The following CYRIA variants were observed in gnomAD, a reference collection of about 807,000 sequenced individuals.
The protein encoded by CYRIA is CYFIP-related Rac1 interactor A.
CYRIA carries 15 observed loss-of-function variants against 43.9 expected under a neutral mutation model. The observed-to-expected ratio is 0.34, with a 90% CI of 0.23 to 0.53. The LOEUF (loss-of-function observed/expected upper bound fraction) is 0.53, where lower values mean the gene tolerates loss of function less well. CYRIA is among the 20% of genes least tolerant of loss of function. The probability of loss-of-function intolerance (pLI) is 0.94; values close to 1 mark genes in which losing one functional copy is unlikely to be tolerated. For missense variants in CYRIA, 236 were observed against 394.2 expected (o/e 0.60, Z 3.40); for synonymous variants, 117 against 136.0 (o/e 0.86, Z 0.97).
chr2:16,635,647 G>T (rs1203260930), intron 1 of CYRIA, among the ~76,000 whole-genome samples: 2 of 152,194 alleles, frequency 1.3e-5, no homozygotes, highest in Non-Finnish European at 2.9e-5. Context: ...CTCTGGGAGG[G>T]TAGTGAAAAG....
At chr2:16,644,716 C>T (rs919219111) in intron 1 of CYRIA, among the ~76,000 whole-genome samples, 4 of 152,168 alleles carry the variant, frequency 2.6e-5, no homozygotes, top group Non-Finnish European at 5.9e-5. Flanking sequence ...ACTTAGATAA[C>T]CACATGGAAG....
At chr2:16,588,272 A>G (rs150811914) in intron 2 of CYRIA, 143 bp from the exon 3 acceptor site, 62 of 546,978 alleles carry the variant, frequency 1.1e-4, no homozygotes, top group Middle Eastern at 5.4e-4. Context: ...TAATGTAGCA[A>G]CTCATTTCTA....
chr2:16,630,757 C>T (rs1203225066), intron 1 of CYRIA, among the ~76,000 whole-genome samples: 1 of 152,162 alleles, frequency 6.6e-6, no homozygotes, highest in South Asian at 2.1e-4. Flanking sequence ...TCTCAGACAA[C>T]CCCAAGCAAC....
intron 1 of CYRIA, among the ~76,000 whole-genome samples, chr2:16,638,844 C>G (rs541816187): frequency 6.6e-6 from 1 of 152,150 alleles, no homozygotes; most frequent in South Asian, 2.1e-4. Context: ...CAGTAGTGCC[C>G]TTACTCAAGT....
intron 2 of CYRIA, among the ~76,000 whole-genome samples, chr2:16,614,425 TC>T (rs1232726008): frequency 6.6e-6 from 1 of 152,220 alleles, no homozygotes; most frequent in Non-Finnish European, 1.5e-5. Flanking sequence ...CCAGCCTGGC[TC>T]CTGATGACTC....
chr2:16,559,709 A>G, intron 9 of CYRIA, 123 bp from the exon 10 acceptor site: 1 of 1,074,466 alleles, frequency 9.3e-7, no homozygotes, highest in Non-Finnish European at 1.3e-6. Context: ...GACCTGCAAC[A>G]ACCAGTTAAT....
intron 2 of CYRIA, among the ~76,000 whole-genome samples, chr2:16,603,012 T>C (rs1668261903): frequency 6.6e-6 from 1 of 152,076 alleles, no homozygotes; most frequent in South Asian, 2.1e-4. Flanking sequence ...CAGTCTTGTC[T>C]CCCTTCTACT....
At chr2:16,646,400 A>G (rs926836356) in intron 1 of CYRIA, among the ~76,000 whole-genome samples, 53 of 152,210 alleles carry the variant, frequency 3.5e-4, no homozygotes, top group Non-Finnish European at 1.5e-4. Flanking sequence ...TAGTTGTCCT[A>G]TGAGGCAGAG....
Position 16,570,403 on chromosome 2 carries a change from A to G in CYRIA, c.71-4636T>C, listed in dbSNP as rs1667086105. 2.6e-5 allele frequency among the ~76,000 whole-genome samples: 4 copies of G among 152,166 alleles called. No homozygotes were observed. In the South Asian group the frequency reaches 8.3e-4, roughly 32 times the overall value. On this transcript the variant is annotated intron_variant, in intron 3 of 11. Transcript: ENST00000381323. ...TCTCACCAGTGTGGTTAACACACTA[A>G]TAGGGTATTTGTTGAGTCTGACACA...
chr2:16,643,730 T>C (rs1484572777), intron 1 of CYRIA, among the ~76,000 whole-genome samples: 1 of 152,230 alleles, frequency 6.6e-6, no homozygotes, highest in Non-Finnish European at 1.5e-5. Flanking sequence ...CCCACTGTTA[T>C]GTTCCTAGAG....
chr2:16,584,800 C>T (rs1034443944), intron 3 of CYRIA, among the ~76,000 whole-genome samples: 12 of 152,166 alleles, frequency 7.9e-5, no homozygotes, highest in African/African-American at 2.9e-4. Context: ...CCTATCTGTG[C>T]CTGTAGAAAA....
rs1464137645 is a variant in CYRIA at position 16,551,047 on chromosome 2, A to G, written c.*1889T>C. On this transcript the variant is annotated 3_prime_UTR_variant, in exon 12 of 12. Coordinates refer to ENST00000381323, the MANE Select transcript of CYRIA (RefSeq NM_030797.4). ...TAGCATATTTCTATTCTGATGAGAG[A>G]AACTCCATCCAAGCAGCTGTACTTT... is the stretch of plus-strand genomic sequence containing the variant. 6.6e-6 allele frequency: 1 copy of G among 152,138 alleles called. No individual in the cohort carries two copies. Among genetic ancestry groups the G allele is most frequent in the Non-Finnish European group, 1.5e-5 (1 of 68,012 alleles). The allele number at this position is 152,138 out of a possible 1,614,324, so 9.4% of individuals were successfully genotyped here.
At chr2:16,641,293 C>G (rs1256720711) in intron 1 of CYRIA, among the ~76,000 whole-genome samples, 1 of 152,176 alleles carries the variant, frequency 6.6e-6, no homozygotes, top group African/African-American at 2.4e-5. Flanking sequence ...ATCCTAGCCT[C>G]ATTCTCCGCT....
At chr2:16,601,701 T>C (rs1351722497) in intron 2 of CYRIA, among the ~76,000 whole-genome samples, 2 of 135,794 alleles carry the variant, frequency 1.5e-5, no homozygotes, top group South Asian at 2.2e-4. Context: ...TCTAGTCACA[T>C]TTCCAGTTTC....
chr2:16,587,694 G>A (rs111474037), intron 3 of CYRIA, among the ~76,000 whole-genome samples: 2,085 of 152,120 alleles, frequency 0.014, 56 homozygotes, highest in African/African-American at 0.048. Context: ...CATGGGGACG[G>A]GTCTTCCCCA....
chr2:16,586,367 T>G (rs1667728693), intron 3 of CYRIA, among the ~76,000 whole-genome samples: 1 of 152,124 alleles, frequency 6.6e-6, no homozygotes, highest in Non-Finnish European at 1.5e-5. Context: ...TAAACCATTC[T>G]TTGAACAACA....
In CYRIA at chr2:16,650,457, T is replaced by C. The variant is rs953813438; in HGVS notation, c.-167+15323A>G. ...ACACTAGCAAATCATAAAGGTTTCA[T>C]TGGTCTCTGGGCCAGTTCCTGATAT... On this transcript the variant is annotated intron_variant, in intron 1 of 11. Coordinates refer to ENST00000381323, the MANE Select transcript of CYRIA (RefSeq NM_030797.4). This position sits in a 1 kb window ranked among gnomAD's most constrained non-coding sequence, Gnocchi z 4.1. 6.6e-6 allele frequency among the ~76,000 whole-genome samples: 1 copy of C among 152,248 alleles called. No homozygotes were observed. Among genetic ancestry groups the C allele is most frequent in the Non-Finnish European group, 1.5e-5 (1 of 68,050 alleles).
chr2:16,610,377 G>A (rs537618272), intron 2 of CYRIA, among the ~76,000 whole-genome samples: 1 of 152,316 alleles, frequency 6.6e-6, no homozygotes, highest in Admixed American at 6.5e-5. Context: ...ATGTTTTTGG[G>A]AAACAGAAAA....
chr2:16,651,439 A>G (rs1223046273), intron 1 of CYRIA, among the ~76,000 whole-genome samples: 1 of 152,228 alleles, frequency 6.6e-6, no homozygotes, highest in African/African-American at 2.4e-5. Context: ...TGACAGCTGG[A>G]AAAAATCCCT....
Sources: gnomAD v4.1 joint callset for allele counts (sites outside exome capture counted in the v4.1 genomes callset) on GRCh38, gnomAD v4.1.1 for gene constraint, Gnocchi (gnomAD v3.1) non-coding constraint, MANE v1.5 for transcripts, NCBI Gene and HGNC (gene_info 2026-07-23, HGNC 2026-07-21) for gene names.